Variants in COX11 observed in about 807,000 individuals in gnomAD.
The protein encoded by COX11 is cytochrome c oxidase copper chaperone COX11.
Under a neutral mutation model 29.4 loss-of-function variants are expected in COX11, and 18 were observed. That is an observed-to-expected ratio of 0.61 (90% CI 0.42 to 0.91). The LOEUF (loss-of-function observed/expected upper bound fraction) is 0.91. Among genes scored for constraint, COX11 ranks in the 40% least tolerant of loss-of-function variants. The pLI is 0.00. For missense variants in COX11, 312 were observed against 346.0 expected, an observed-to-expected ratio of 0.90 and a Z score of 0.78; for synonymous variants, 131 against 124.0, an observed-to-expected ratio of 1.06 and a Z score of -0.38.
At chr17:54,957,671 T>C (rs1032011224), downstream of COX11, 1 of 152,156 alleles carries the variant, frequency 6.6e-6, no homozygotes, top group Non-Finnish European at 1.5e-5. Context: ...GCACAGAATC[T>C]TGCAGGAAAT....
At position 54,962,892 on chromosome 17, in the gene COX11, C is replaced by T; in HGVS notation, c.672G>A (p.Arg224=). ...TATCTACTTCCTCTTGGGGATTAAG[C>T]CTTTGTTCTTCAAAACAGAAGCACT... is the stretch of plus-strand genomic sequence containing the variant. The part of the protein sequence containing the change: ...KIQCFCFEEQ[R]LNPQEEVDMP... Residue 224 remains arginine (R), a synonymous_variant, in exon 4 of 4, where the codon AGG becomes AGA. Coordinates refer to ENST00000299335, the MANE Select transcript of COX11 (RefSeq NM_004375.5). 6.2e-7 allele frequency: 1 copy of T among 1,610,194 alleles called. No individual in the cohort carries two copies. The highest frequency in any genetic ancestry group is 1.7e-5 in the Admixed American group (1 of 59,402).
downstream of COX11, among the ~76,000 whole-genome samples, chr17:54,955,795 C>A (rs1033975835): frequency 2.0e-5 from 3 of 152,174 alleles, no homozygotes; most frequent in African/African-American, 7.2e-5. Context: ...AAACCCAGAC[C>A]ACTCTTTTAG....
intron 1 of COX11, among the ~76,000 whole-genome samples, 168 bp downstream of exon 1, chr17:54,968,113 T>TG (rs1369901637): frequency 1.3e-5 from 2 of 151,958 alleles, no homozygotes; most frequent in Non-Finnish European, 2.9e-5. Flanking sequence ...CCAATTTCTT[T>TG]GGTGACTTTG....
rs1352293687 is a variant in COX11 at position 54,964,815 on chromosome 17, G to A, written c.404C>T (p.Ala135Val). Residue 135 changes from alanine (A) to valine (V), a missense_variant, in exon 2 of 4, where the codon GCC becomes GTC. Physicochemically the swap from Ala to Val is moderately conservative, Grantham distance 64 (BLOSUM62 0). Transcript: ENST00000299335. ...CACCATGTTTTCAATCTTGTCTGAGGCATGACCTGCAACTGCTGATCCTCC... is the reference window on the plus strand; with the variant it reads ...CACCATGTTTTCAATCTTGTCTGAGACATGACCTGCAACTGCTGATCCTCC... ...GLGGSAVAGH[A>V]SDKIENMVPV... 1 of 1,613,026 alleles carries A rather than the reference G, an allele frequency of 6.2e-7. No individual in the cohort carries two copies. The highest frequency in any genetic ancestry group is 8.5e-7 in the Non-Finnish European group (1 of 1,179,940).
downstream of COX11, among the ~76,000 whole-genome samples, chr17:54,958,600 G>A (rs936261907): frequency 2.6e-5 from 4 of 152,116 alleles, no homozygotes; most frequent in South Asian, 2.1e-4. Flanking sequence ...GCGTGGTAGC[G>A]GGTGTCTGTA....
Position 54,963,283 on chromosome 17 carries a change from G to A in COX11, c.648+23C>T, listed in dbSNP as rs201690164. On this transcript the variant is annotated intron_variant, in intron 3 of 3. Transcript: ENST00000299335. ...GTTTCATGTATCTTTATCATATTCT[G>A]TAAAGTTTACACTTTGATGTACCTG... 6.4e-4 allele frequency: 1,020 copies of A among 1,600,588 alleles called. 1 individual carries two copies. Among genetic ancestry groups the A allele is most frequent in the South Asian group, 8.1e-4 (72 of 88,940 alleles).
Position 54,963,913 on chromosome 17 carries a change from C to A in COX11, c.523-482G>T, listed in dbSNP as rs560186277. ...TACTTTGGAGAAAATAAGGGAATAG[C>A]GAGGCTTAAAAAAATTTTCCAAAGG... On this transcript the variant is annotated intron_variant, in intron 2 of 3. Coordinates refer to ENST00000299335, the MANE Select transcript of COX11 (RefSeq NM_004375.5). 4.6e-5 allele frequency among the ~76,000 whole-genome samples: 7 copies of A among 152,054 alleles called. No homozygotes were observed. The East Asian group carries it at 1.4e-3, about 29-fold the overall frequency.
At chr17:54,963,826 C>T (rs2077173596) in intron 2 of COX11, among the ~76,000 whole-genome samples, 1 of 151,980 alleles carries the variant, frequency 6.6e-6, no homozygotes, top group East Asian at 1.9e-4. Context: ...CAACATTAAA[C>T]TTACCTTAAA....
In COX11 at chr17:54,968,581, A is replaced by C; in HGVS notation, c.66T>G (p.Pro22=). Residue 22 remains proline, a synonymous_variant, in exon 1 of 4, where the codon CCT becomes CCG. Coordinates refer to ENST00000299335, the MANE Select transcript of COX11 (RefSeq NM_004375.5). ...TCTCTGCAGCCCTGGTTGGAGACCC[A>C]GGGTGGATCCAGCGCCAGCCACAGA... ...VPFCGWRWIH[P]GSPTRAAERV... 6.2e-7 allele frequency: 1 copy of C among 1,612,932 alleles called. No homozygotes were observed. The highest frequency in any genetic ancestry group is 8.5e-7 in the Non-Finnish European group (1 of 1,179,988).
At position 54,968,590 on chromosome 17, in the gene COX11, C is replaced by G; in HGVS notation, c.57G>C (p.Trp19Cys). The G allele has an allele frequency of 6.8e-6, 11 of 1,612,976 alleles. No individual in the cohort carries two copies. Among genetic ancestry groups the G allele is most frequent in the Non-Finnish European group, 8.5e-6 (10 of 1,180,008 alleles). ...WRCVPFCGWR[W>C]IHPGSPTRAA... is the part of the protein sequence containing the mutation. ...CCCTGGTTGGAGACCCAGGGTGGAT[C>G]CAGCGCCAGCCACAGAAAGGAACGC... The change falls in exon 1 of 4, where the codon TGG (tryptophan) becomes TGC (cysteine). Residue 19 changes from tryptophan to cysteine, a missense_variant. Transcript: ENST00000299335.
At chr17:54,967,407 G>A (rs567219245) in intron 1 of COX11, among the ~76,000 whole-genome samples, 3 of 152,218 alleles carry the variant, frequency 2.0e-5, no homozygotes, top group Admixed American at 1.3e-4. Flanking sequence ...TGTATTTAAC[G>A]TTAAGCTCCA....
At position 54,963,414 on chromosome 17, in the gene COX11, A is replaced by G. The variant is rs762495374; in HGVS notation, c.540T>C (p.Thr180=). ...QTEIYVVPGE[T]ALAFYRAKNP... ...TCTTAGCTCTGTAAAACGCCAGTGC[A>G]GTCTCTCCTGGCACCACCTGTTTTA... The change falls in exon 3 of 4, where the codon ACT becomes ACC. Residue 180 remains threonine (T), a synonymous_variant. Coordinates refer to ENST00000299335, the MANE Select transcript of COX11 (RefSeq NM_004375.5). 3.0e-5 allele frequency: 48 copies of G among 1,611,360 alleles called. No homozygotes were observed. Among genetic ancestry groups the G allele is most frequent in the African/African-American group, 4.0e-5 (3 of 74,822 alleles).
chr17:54,964,621 C>T, intron 2 of COX11, 76 bp downstream of exon 2: 1 of 1,361,356 alleles, frequency 7.3e-7, no homozygotes, highest in Non-Finnish European at 1.0e-6. Context: ...AAAATTAGTC[C>T]TCTGACAGTT....
exon 1 of COX11, chr17:54,953,139 G>A (rs969054018): frequency 1.3e-5 from 2 of 152,366 alleles, no homozygotes; most frequent in Admixed American, 1.3e-4. Context: ...AACACTTTGG[G>A]AGGCCAAGGC....
chr17:54,964,029 TTTA>T (rs760798727), intron 2 of COX11, among the ~76,000 whole-genome samples: 6 of 152,140 alleles, frequency 3.9e-5, no homozygotes, highest in Non-Finnish European at 7.4e-5. Context: ...CTATAAAATC[TTTA>T]TTAAGAGATT....
In COX11 at chr17:54,962,929, A is replaced by T; in HGVS notation, c.649-14T>A. On this transcript the variant is annotated splice_polypyrimidine_tract_variant and intron_variant, in intron 3 of 3. Transcript: ENST00000299335. Reference sequence around the variant, plus strand: ...AAAACAGAAGCACTGGAAATTATAGAAAGATTTTAATAACATTTCTATTCT... The same window carrying T: ...AAAACAGAAGCACTGGAAATTATAGTAAGATTTTAATAACATTTCTATTCT... The T allele has an allele frequency of 1.3e-6, 2 of 1,594,756 alleles. No individual in the cohort carries two copies. The highest frequency in any genetic ancestry group is 1.7e-6 in the Non-Finnish European group (2 of 1,167,698).
In COX11 at chr17:54,962,516, T is replaced by C; in HGVS notation, c.*217A>G. On this transcript the variant is annotated 3_prime_UTR_variant, in exon 4 of 4. Coordinates refer to ENST00000299335, the MANE Select transcript of COX11 (RefSeq NM_004375.5). ...TAGTATCAAACTCTTCAGTATGGTATTGAATAGTCAGTCATATATTCTAGC... is the reference window on the plus strand; with the variant it reads ...TAGTATCAAACTCTTCAGTATGGTACTGAATAGTCAGTCATATATTCTAGC... 6 of 1,242,526 alleles carry C rather than the reference T, an allele frequency of 4.8e-6. No individual in the cohort carries two copies. The highest frequency in any genetic ancestry group is 6.0e-6 in the Non-Finnish European group (6 of 993,202). The allele number at this position is 1,242,526 out of a possible 1,614,324, so 77.0% of individuals were successfully genotyped here. A position where few individuals can be genotyped will look rare whatever the true frequency, so the allele number is the denominator to read the frequency against.
chr17:54,954,421 G>A (rs987766966), exon 1 of COX11: 1 of 152,258 alleles, frequency 6.6e-6, no homozygotes, highest in African/African-American at 2.4e-5. Flanking sequence ...TCACCCTCCA[G>A]GGTTATATGC....
chr17:54,968,705 C>T (rs1293236286), upstream of COX11: 2 of 1,548,370 alleles, frequency 1.3e-6, no homozygotes, highest in African/African-American at 1.4e-5. Context: ...TCTCGCGAGG[C>T]GTGCTCCGTC....
Sources: allele counts gnomAD v4.1 joint callset (sites outside exome capture counted in the v4.1 genomes callset), GRCh38; gene constraint gnomAD v4.1.1; transcripts MANE v1.5; gene names NCBI Gene and HGNC (gene_info 2026-07-23, HGNC 2026-07-21).